The following CACNA2D3 variants were observed in gnomAD, a reference collection of about 807,000 sequenced individuals.
CACNA2D3 encodes voltage-dependent calcium channel subunit alpha-2/delta-3.
Under a neutral mutation model 160.6 loss-of-function variants are expected in CACNA2D3, and 60 were observed. That is an observed-to-expected ratio of 0.37 (90% CI 0.30 to 0.46). The LOEUF (loss-of-function observed/expected upper bound fraction) is 0.46, where lower values mean the gene tolerates loss of function less well. CACNA2D3 is among the 20% of genes least tolerant of loss of function. CACNA2D3 has a pLI of 1.00. For missense variants in CACNA2D3, 1,205 were observed against 1,365.0 expected, an observed-to-expected ratio of 0.88 and a Z score of 1.85; for synonymous variants, 558 against 492.9, an observed-to-expected ratio of 1.13 and a Z score of -1.75.
chr3:54,226,555 T>C (rs1473406544), intron 2 of CACNA2D3, among the ~76,000 whole-genome samples: 1 of 152,056 alleles, frequency 6.6e-6, no homozygotes, highest in African/African-American at 2.4e-5. Flanking sequence ...CTCCCACTTT[T>C]GCCTCCCAAA....
chr3:55,042,467 C>G (rs934014838), intron 35 of CACNA2D3, among the ~76,000 whole-genome samples: 4 of 152,150 alleles, frequency 2.6e-5, no homozygotes, highest in Middle Eastern at 3.2e-3. Context: ...GCCAAACCAG[C>G]TTTCTTCCAC....
chr3:54,804,712 C>A (rs1703075625), intron 13 of CACNA2D3, among the ~76,000 whole-genome samples: 2 of 152,206 alleles, frequency 1.3e-5, no homozygotes, highest in Admixed American at 1.3e-4. Flanking sequence ...TAATAGATAT[C>A]TACAGAACTC....
intron 2 of CACNA2D3, among the ~76,000 whole-genome samples, chr3:54,268,102 A>C (rs924153427): frequency 2.0e-5 from 3 of 152,196 alleles, no homozygotes; most frequent in Non-Finnish European, 4.4e-5. Flanking sequence ...GGTTTTGGCA[A>C]TTGGGAATAT....
chr3:54,417,513 A>G (rs1417916326), intron 4 of CACNA2D3, among the ~76,000 whole-genome samples: 1 of 150,664 alleles, frequency 6.6e-6, no homozygotes, highest in Non-Finnish European at 1.5e-5. Flanking sequence ...CATGGAAAGG[A>G]TAGCAACTAT....
chr3:54,146,596 G>GC (rs1559861989), intron 2 of CACNA2D3, among the ~76,000 whole-genome samples: 1 of 152,202 alleles, frequency 6.6e-6, no homozygotes, highest in Non-Finnish European at 1.5e-5. Context: ...TGTGGGGAAG[G>GC]GGGGCGTGGC....
chr3:54,626,335 C>T (rs1699101075), intron 9 of CACNA2D3: 4 of 1,554,548 alleles, frequency 2.6e-6, no homozygotes, highest in South Asian at 2.4e-5. Flanking sequence ...TGCGCGCCAG[C>T]AGCGGCGGCT....
chr3:54,688,926 G>GAGCTGA (rs1290098753), intron 11 of CACNA2D3, among the ~76,000 whole-genome samples: 2 of 132,710 alleles, frequency 1.5e-5, no homozygotes, highest in Non-Finnish European at 3.1e-5. Flanking sequence ...AGGTTGCAGT[G>GAGCTGA]AGCTGAAATT....
At chr3:54,375,983 G>C (rs1267774721) in intron 3 of CACNA2D3, among the ~76,000 whole-genome samples, 1 of 152,192 alleles carries the variant, frequency 6.6e-6, no homozygotes. Context: ...TGGTCTCTCT[G>C]CCTCAGTCTC....
At chr3:54,178,155 G>T (rs13077924) in intron 2 of CACNA2D3, among the ~76,000 whole-genome samples, 9,593 of 152,222 alleles carry the variant, frequency 0.063, 401 homozygotes, top group South Asian at 0.17. Flanking sequence ...CTTCTCTGGA[G>T]GTTACTATGT....
chr3:54,691,384 C>A (rs1440533702), intron 11 of CACNA2D3, among the ~76,000 whole-genome samples: 1 of 152,152 alleles, frequency 6.6e-6, no homozygotes, highest in Non-Finnish European at 1.5e-5. Flanking sequence ...AGACTCCATA[C>A]AAACAGCTGA....
At chr3:54,761,980 C>G (rs1000574514) in intron 12 of CACNA2D3, among the ~76,000 whole-genome samples, 1 of 152,120 alleles carries the variant, frequency 6.6e-6, no homozygotes, top group African/African-American at 2.4e-5. Flanking sequence ...AACTCTGGAG[C>G]TAGTGCTGTG....
intron 27 of CACNA2D3, among the ~76,000 whole-genome samples, chr3:54,945,348 G>C (rs1221849081): frequency 6.6e-6 from 1 of 152,196 alleles, no homozygotes; most frequent in Non-Finnish European, 1.5e-5. Context: ...TTACTCTGTA[G>C]TATCTTGGCC....
intron 4 of CACNA2D3, among the ~76,000 whole-genome samples, chr3:54,424,940 G>A (rs1699890709): frequency 1.3e-5 from 2 of 152,204 alleles, no homozygotes; most frequent in African/African-American, 4.8e-5. Context: ...TGCTCACAGA[G>A]CTGGACGTGG....
intron 34 of CACNA2D3, among the ~76,000 whole-genome samples, chr3:55,015,321 C>G (rs1474126949): frequency 6.6e-6 from 1 of 152,186 alleles, no homozygotes; most frequent in African/African-American, 2.4e-5. Context: ...GCAATTTACC[C>G]TCATTCTTTT....
rs183529868 is a variant in CACNA2D3, at chr3:54,907,886, T to C, written c.2449+8018T>C. 5.3e-5 allele frequency among the ~76,000 whole-genome samples: 8 copies of C among 152,310 alleles called. No individual in the cohort carries two copies. The East Asian group carries it at 1.5e-3, about 29-fold the overall frequency. The stretch of plus-strand genomic sequence containing the variant: ...ATAATGTTTTTATGATCCATCTACA[T>C]TGTAGCCTGTATCAGTACTTCATTT... On this transcript the variant is annotated intron_variant, in intron 27 of 37. Coordinates refer to ENST00000474759, the MANE Select transcript of CACNA2D3 (RefSeq NM_018398.3).
chr3:54,747,160 C>T (rs1262558513), intron 11 of CACNA2D3, among the ~76,000 whole-genome samples: 1 of 152,008 alleles, frequency 6.6e-6, no homozygotes, highest in Non-Finnish European at 1.5e-5. Flanking sequence ...AAAGTGTTGG[C>T]CACAGCCTAC....
intron 11 of CACNA2D3, among the ~76,000 whole-genome samples, chr3:54,648,063 T>G (rs138526431): frequency 3.3e-5 from 5 of 152,338 alleles, no homozygotes; most frequent in African/African-American, 1.2e-4. Flanking sequence ...AGTCATGGAA[T>G]TATTTATCAT....
At chr3:54,890,868 G>A (rs1214969426) in intron 24 of CACNA2D3, among the ~76,000 whole-genome samples, 1 of 152,134 alleles carries the variant, frequency 6.6e-6, no homozygotes, top group East Asian at 1.9e-4. Flanking sequence ...GGAATTCCAG[G>A]CTGTGGGATG....
intron 11 of CACNA2D3, among the ~76,000 whole-genome samples, chr3:54,655,271 A>G (rs1211521487): frequency 6.6e-6 from 1 of 152,226 alleles, no homozygotes; most frequent in East Asian, 1.9e-4. Context: ...GGATGCTGAC[A>G]ACTCAATTTC....
Sources: allele counts gnomAD v4.1 joint callset (sites outside exome capture counted in the v4.1 genomes callset), GRCh38; gene constraint gnomAD v4.1.1; transcripts MANE v1.5; gene names NCBI Gene and HGNC (gene_info 2026-07-23, HGNC 2026-07-21).